GATA5: variants seen among roughly 807,000 people sequenced by gnomAD.
GATA5 encodes the protein transcription factor GATA-5.
In GATA5, 27 loss-of-function variants were observed where a neutral mutation model predicts 35.0. The ratio of observed to expected loss-of-function variants is 0.77; its 90% CI spans 0.57 to 1.06. GATA5 has a LOEUF of 1.06. Among genes scored for constraint, GATA5 ranks in the 50% least tolerant of loss-of-function variants. The probability of loss-of-function intolerance (pLI) is 0.00; values close to 1 mark genes in which losing one functional copy is unlikely to be tolerated. For missense variants in GATA5, 612 were observed against 580.0 expected (o/e 1.06, Z -0.57); for synonymous variants, 306 against 267.8 (o/e 1.14, Z -1.39).
At chr20:62,468,843 G>C (rs545172138) in intron 3 of GATA5, among the ~76,000 whole-genome samples, 3 of 152,352 alleles carry the variant, frequency 2.0e-5, no homozygotes, top group African/African-American at 7.2e-5. Flanking sequence ...GGAGGGAGAT[G>C]GTGCCTGGCC....
intron 2 of GATA5, 136 bp from the exon 3 acceptor site, chr20:62,473,714 G>A: frequency 2.9e-6 from 2 of 696,484 alleles, no homozygotes; most frequent in South Asian, 4.4e-5. Context: ...CAAATCTTGT[G>A]CCTTAGATGT....
intron 3 of GATA5, among the ~76,000 whole-genome samples, chr20:62,468,817 G>A (rs1989655240): frequency 6.6e-6 from 1 of 152,248 alleles, no homozygotes; most frequent in South Asian, 2.1e-4. Flanking sequence ...GCCCAGCCCA[G>A]GCCCCAGCAG....
Position 62,473,185 on chromosome 20 carries a change from C to T in GATA5, c.699+218G>A, listed in dbSNP as rs568962913. On this transcript the variant is annotated intron_variant, in intron 3 of 6. Coordinates refer to ENST00000252997, the MANE Select transcript of GATA5 (RefSeq NM_080473.5). ...AGGGCTGGGCGCTATGAGCTGGTGG[C>T]CCCTGGCATCCCCACTGGGATCCCC... Among the ~76,000 whole-genome samples the T allele has an allele frequency of 4.6e-5, 7 of 152,354 alleles. No homozygotes were observed. In the East Asian group the frequency reaches 1.4e-3, roughly 29 times the overall value.
In GATA5 at chr20:62,470,066, G is replaced by A. The variant is rs1029799317; in HGVS notation, c.699+3337C>T. The stretch of plus-strand genomic sequence containing the variant: ...CGGCTGCATTTCGTTTTTCTTTTTT[G>A]TCGGTTCTTTTCAAAAGAAGTCAAA... On this transcript the variant is annotated intron_variant, in intron 3 of 6. Coordinates refer to ENST00000252997, the MANE Select transcript of GATA5 (RefSeq NM_080473.5). This position sits in a 1 kb window ranked among gnomAD's most constrained non-coding sequence, Gnocchi z 4.6. Among the ~76,000 whole-genome samples the A allele has an allele frequency of 1.2e-4, 19 of 152,228 alleles. No individual in the cohort carries two copies. Among genetic ancestry groups the A allele is most frequent in the African/African-American group, 4.6e-4 (19 of 41,456 alleles).
rs1555896015 is a variant in GATA5 at position 62,465,826 on chromosome 20, C to G, written c.913+8G>C. 6.4e-7 allele frequency: 1 copy of G among 1,574,084 alleles called. No individual in the cohort carries two copies. Among genetic ancestry groups the G allele is most frequent in the Admixed American group, 1.8e-5 (1 of 54,856 alleles). On this transcript the variant is annotated splice_region_variant and intron_variant, in intron 5 of 6. Coordinates refer to ENST00000252997, the MANE Select transcript of GATA5 (RefSeq NM_080473.5). ...GAGCGGGGCTGACTGCAGGGCCTGGCCACGCACCTGAGGAGCCCCTGGCCT... is the reference window on the plus strand; with the variant it reads ...GAGCGGGGCTGACTGCAGGGCCTGGGCACGCACCTGAGGAGCCCCTGGCCT...
intron 3 of GATA5, among the ~76,000 whole-genome samples, chr20:62,468,589 G>C (rs782182275): frequency 2.6e-5 from 4 of 152,230 alleles, no homozygotes; most frequent in Non-Finnish European, 4.4e-5. Flanking sequence ...CTCCAGGCAG[G>C]ACCCTGCCCT....
Position 62,466,896 on chromosome 20 carries a change from C to T in GATA5, c.700-345G>A, listed in dbSNP as rs563886618. ...TCACCAACCCTGCGCCTGGACCCCG[C>T]GGTTCTGCAGTGCAGCAGCACTCCA... On this transcript the variant is annotated intron_variant, in intron 3 of 6. Coordinates refer to ENST00000252997, the MANE Select transcript of GATA5 (RefSeq NM_080473.5). 1.7e-4 allele frequency among the ~76,000 whole-genome samples: 26 copies of T among 152,350 alleles called. No homozygotes were observed. The South Asian group carries it at 4.6e-3, about 27-fold the overall frequency.
chr20:62,471,979 T>C (rs1325247584), intron 3 of GATA5, among the ~76,000 whole-genome samples: 2 of 151,610 alleles, frequency 1.3e-5, no homozygotes, highest in African/African-American at 4.9e-5. Flanking sequence ...CTCCTGAGCT[T>C]AAGCAATCCT....
At chr20:62,465,300 G>A in intron 6 of GATA5, 40 bp downstream of exon 6, 1 of 1,557,956 alleles carries the variant, frequency 6.4e-7, no homozygotes, top group Non-Finnish European at 8.6e-7. Context: ...AAGCACAGGG[G>A]CCCCAGCTCT....
intron 3 of GATA5, 55 bp from the exon 4 acceptor site, chr20:62,466,606 A>T: frequency 6.6e-7 from 1 of 1,521,054 alleles, no homozygotes; most frequent in Non-Finnish European, 8.8e-7. Context: ...CGGCTGGAGC[A>T]GGGGGACGGA....
chr20:62,475,878 A>T, intron 1 of GATA5, 52 bp downstream of exon 1: 2 of 167,052 alleles, frequency 1.2e-5, no homozygotes, highest in Non-Finnish European at 2.5e-5. Context: ...CCGCGCTGGG[A>T]GGGGCCGGGT....
chr20:62,475,112 G>A lies in GATA5; in HGVS notation c.410C>T (p.Ser137Leu). 1 of 1,392,002 alleles carries A rather than the reference G, an allele frequency of 7.2e-7. No individual in the cohort carries two copies. The highest frequency in any genetic ancestry group is 9.3e-7 in the Non-Finnish European group (1 of 1,069,684). 86.2% of individuals were successfully genotyped at this position (1,392,002 alleles called of 1,614,324 possible). The change falls in exon 2 of 7, where the codon TCG (serine) becomes TTG (leucine). Residue 137 changes from serine (S) to leucine (L), a missense_variant. Transcript: ENST00000252997. ...AAPLGRPVGT[S>L]YSATYPAYVS... Reference sequence around the variant, plus strand: ...GTAGGCCGGGTAGGTGGCGGAGTACGAGGTCCCCACCGGCCGCCCAAGCGG... The same window carrying A: ...GTAGGCCGGGTAGGTGGCGGAGTACAAGGTCCCCACCGGCCGCCCAAGCGG...
chr20:62,464,728 G>C lies in GATA5; in HGVS notation c.*108C>G. On this transcript the variant is annotated 3_prime_UTR_variant, in exon 7 of 7. Transcript: ENST00000252997. ...AGACTCCAGCAGACCCAGTCTCTGGGTTGGGGGGCCTGCTGGTCTCTGCTG... is the reference window on the plus strand; with the variant it reads ...AGACTCCAGCAGACCCAGTCTCTGGCTTGGGGGGCCTGCTGGTCTCTGCTG... 9.9e-7 allele frequency: 1 copy of C among 1,007,090 alleles called. No homozygotes were observed. Among genetic ancestry groups the C allele is most frequent in the Non-Finnish European group, 1.4e-6 (1 of 704,236 alleles). 62.4% of individuals were successfully genotyped at this position (1,007,090 alleles called of 1,614,324 possible).
intron 6 of GATA5, 147 bp downstream of exon 6, chr20:62,465,193 A>C (rs1354316784): frequency 7.2e-6 from 7 of 973,984 alleles, no homozygotes; most frequent in Non-Finnish European, 5.9e-6. Context: ...CTCTAGGGGA[A>C]GGGCCACCAT....
In GATA5 at chr20:62,473,680, C is replaced by T. The variant is rs782511940; in HGVS notation, c.524-102G>A. ...CCCTCCCCAGGAGCCTGGCGGCTTT[C>T]GTCAGACGAATAAACTTAAGGCACA... is the stretch of plus-strand genomic sequence containing the variant. On this transcript the variant is annotated intron_variant, in intron 2 of 6. Coordinates refer to ENST00000252997, the MANE Select transcript of GATA5 (RefSeq NM_080473.5). 1.2e-4 allele frequency: 132 copies of T among 1,097,828 alleles called. 1 individual carries two copies. Among genetic ancestry groups the T allele is most frequent in the Non-Finnish European group, 1.6e-4 (124 of 774,842 alleles). The allele number at this position is 1,097,828 out of a possible 1,614,324, so 68.0% of individuals were successfully genotyped here. A position where few individuals can be genotyped will look rare whatever the true frequency, so the allele number is the denominator to read the frequency against.
intron 3 of GATA5, among the ~76,000 whole-genome samples, chr20:62,468,707 C>G (rs1289496497): frequency 6.6e-6 from 1 of 152,258 alleles, no homozygotes; most frequent in African/African-American, 2.4e-5. Context: ...CTGCGGAGGA[C>G]AATGTCTCCC....
chr20:62,467,733 C>A (rs1231036960), intron 3 of GATA5, among the ~76,000 whole-genome samples: 1 of 152,230 alleles, frequency 6.6e-6, no homozygotes, highest in Admixed American at 6.5e-5. Flanking sequence ...GAGAATGGGC[C>A]CCCCACACTC....
intron 3 of GATA5, 29 bp from the exon 4 acceptor site, chr20:62,466,580 C>T: frequency 6.5e-7 from 1 of 1,536,272 alleles, no homozygotes; most frequent in African/African-American, 1.4e-5. Flanking sequence ...CTGGAGTGAG[C>T]CCCGGGCCGG....
Position 62,473,481 on chromosome 20 carries a change from G to T in GATA5, c.621C>A (p.His207Gln). ...TPLWRRDGTG[H>Q]YLCNACGLYH... is the part of the protein sequence containing the mutation. ...AGAGGCCGCAGGCATTGCACAGGTA[G>T]TGGCCGGTGCCGTCTCGGCGCCACA... Residue 207 changes from histidine (H) to glutamine (Q), a missense_variant, in exon 3 of 7, where the codon CAC becomes CAA. Physicochemically the swap from His to Gln is conservative, Grantham distance 24. Transcript: ENST00000252997. 6.2e-7 allele frequency: 1 copy of T among 1,611,432 alleles called. No individual in the cohort carries two copies. Among genetic ancestry groups the T allele is most frequent in the Non-Finnish European group, 8.5e-7 (1 of 1,179,322 alleles).
Sources: allele counts gnomAD v4.1 joint callset (sites outside exome capture counted in the v4.1 genomes callset), GRCh38; gene constraint gnomAD v4.1.1; non-coding constraint Gnocchi (gnomAD v3.1); transcripts MANE v1.5; gene names NCBI Gene and HGNC (gene_info 2026-07-23, HGNC 2026-07-21).